CABIN1: variants seen among roughly 807,000 people sequenced by gnomAD.
CABIN1 encodes calcineurin-binding protein cabin-1.
In CABIN1, 133 loss-of-function variants were observed where a neutral mutation model predicts 227.7. That is an observed-to-expected ratio of 0.58 (90% CI 0.51 to 0.67). CABIN1 has a LOEUF of 0.67. Among genes scored for constraint, CABIN1 ranks in the 30% least tolerant of loss-of-function variants. The probability of loss-of-function intolerance (pLI) is 0.00; values close to 1 mark genes in which losing one functional copy is unlikely to be tolerated. For missense variants in CABIN1, 2,408 were observed against 2,852.5 expected (o/e 0.84, Z 3.55); for synonymous variants, 1,086 against 1,155.1 (o/e 0.94, Z 1.21).
In CABIN1 at chr22:24,165,525, C is replaced by G. The variant is rs757756889; in HGVS notation, c.4911-5C>G. On this transcript the variant is annotated splice_region_variant and splice_polypyrimidine_tract_variant and intron_variant, in intron 30 of 36. Coordinates refer to ENST00000263119, the MANE Select transcript of CABIN1 (RefSeq NM_012295.4). Reference sequence around the variant, plus strand: ...TCCTCTCTGACTACCCCTGTATGACCGCAGGAAGTATCTGCGAGATGCTGA... The same window carrying G: ...TCCTCTCTGACTACCCCTGTATGACGGCAGGAAGTATCTGCGAGATGCTGA... 5 of 1,611,632 alleles carry G rather than the reference C, an allele frequency of 3.1e-6. No individual in the cohort carries two copies. In the South Asian group the frequency reaches 4.4e-5, roughly 14 times the overall value.
intron 8 of CABIN1, among the ~76,000 whole-genome samples, chr22:24,053,697 T>C (rs552410767): frequency 2.0e-5 from 3 of 152,252 alleles, no homozygotes; most frequent in Non-Finnish European, 4.4e-5. Flanking sequence ...TGTTCTTTTA[T>C]TCCTTTCTCA....
At chr22:24,121,114 A>G (rs1359555996) in intron 28 of CABIN1, among the ~76,000 whole-genome samples, 1 of 152,212 alleles carries the variant, frequency 6.6e-6, no homozygotes, top group African/African-American at 2.4e-5. Context: ...TTTAGGGCCT[A>G]GCTGTGAGGA....
rs760859154 is a variant in CABIN1 at position 24,049,130 on chromosome 22, GC to G, written c.568del (p.Arg190GlyfsTer39). 11 of 1,614,084 alleles carry G rather than the reference GC, an allele frequency of 6.8e-6. No homozygotes were observed. The Admixed American group carries it at 1.3e-4, about 20-fold the overall frequency. On this transcript the variant is annotated frameshift_variant, in exon 7 of 37. Coordinates refer to ENST00000263119, the MANE Select transcript of CABIN1 (RefSeq NM_012295.4). LOFTEE classifies it high-confidence loss of function. ...ATCTGCAAAGCTTTGGAGAAGGATTGCCGGTACAGCAAAGGGCTGGTCCTCA... is the reference window on the plus strand; with the variant it reads ...ATCTGCAAAGCTTTGGAGAAGGATTGCGGTACAGCAAAGGGCTGGTCCTCA... ...YFICKALEKD[C>X]RYSKGLVLKE...
In CABIN1 at chr22:24,177,892, G is replaced by A. The variant is rs2047204647; in HGVS notation, c.6519+75G>A. On this transcript the variant is annotated intron_variant, in intron 36 of 36. Coordinates refer to ENST00000263119, the MANE Select transcript of CABIN1 (RefSeq NM_012295.4). The surrounding 1 kb of genome is among the most constrained non-coding windows in gnomAD (Gnocchi z 4.4). ...TACAAAGGGGGCCTAGGATGGGGGT[G>A]GGGGTGGCAGGAGGGCCTGGGGTGT... 6.5e-7 allele frequency: 1 copy of A among 1,527,044 alleles called. No individual in the cohort carries two copies. The highest frequency in any genetic ancestry group is 2.1e-4 in the Middle Eastern group (1 of 4,740). The allele number at this position is 1,527,044 out of a possible 1,614,324, so 94.6% of individuals were successfully genotyped here.
At position 24,095,948 on chromosome 22, in the gene CABIN1, T is replaced by C. The variant is rs770958090; in HGVS notation, c.3804T>C (p.His1268=). The change falls in exon 25 of 37, where the codon CAT becomes CAC. Residue 1268 remains histidine, a synonymous_variant. Coordinates refer to ENST00000263119, the MANE Select transcript of CABIN1 (RefSeq NM_012295.4). ...TCTCCTAGGTGTACTTTCGGCTCCA[T>C]GCTTCCATCCTGAAGCTCCTGGGGA... ...MEALEVYFRL[H]ASILKLLGKP... is the part of the protein sequence containing the mutation. 31 of 1,613,994 alleles carry C rather than the reference T, an allele frequency of 1.9e-5. No homozygotes were observed. Among genetic ancestry groups the C allele is most frequent in the Non-Finnish European group, 2.4e-5 (28 of 1,180,006 alleles).
intron 30 of CABIN1, 132 bp downstream of exon 30, chr22:24,164,695 T>A: frequency 9.3e-7 from 1 of 1,074,188 alleles, no homozygotes; most frequent in Non-Finnish European, 1.4e-6. Flanking sequence ...AGCTCTTCAT[T>A]CTCCTTGGGG....
At chr22:24,019,862 G>A (rs1255790753) in intron 1 of CABIN1, among the ~76,000 whole-genome samples, 4 of 151,502 alleles carry the variant, frequency 2.6e-5, no homozygotes, top group East Asian at 2.0e-4. Flanking sequence ...TCTCCATGTT[G>A]GTCAGGCTGG....
chr22:24,033,989 A>G (rs542111716), intron 1 of CABIN1, among the ~76,000 whole-genome samples: 3 of 152,092 alleles, frequency 2.0e-5, no homozygotes, highest in African/African-American at 2.4e-5. Flanking sequence ...TTGGAAGACA[A>G]TTTTTCCACG....
At position 24,128,575 on chromosome 22, in the gene CABIN1, C is replaced by T. The variant is rs1247368400; in HGVS notation, c.4633-5727C>T. Among the ~76,000 whole-genome samples the T allele has an allele frequency of 2.0e-5, 3 of 152,288 alleles. No individual in the cohort carries two copies. In the East Asian group the frequency reaches 5.8e-4, roughly 29 times the overall value. On this transcript the variant is annotated intron_variant, in intron 28 of 36. Transcript: ENST00000263119. The stretch of plus-strand genomic sequence containing the variant: ...TCTTCCTCTGGCCTATAGAACACTA[C>T]TCCAAGGGCTCCCAGCCAATTCCCC...
intron 26 of CABIN1, among the ~76,000 whole-genome samples, chr22:24,104,167 T>C (rs2147557879): frequency 6.6e-6 from 1 of 152,252 alleles, no homozygotes; most frequent in African/African-American, 2.4e-5. Flanking sequence ...TCTCTCTCTC[T>C]CTGGGCTCTA....
At position 24,166,931 on chromosome 22, in the gene CABIN1, C is replaced by G; in HGVS notation, c.5300C>G (p.Thr1767Ser). ...PTEPMDTSEA[T>S]VCHSDLERTP... ...GAGCCCATGGACACGAGTGAGGCCACTGTTTGCCACTCAGACTTGGAGCGG... is the reference window on the plus strand; with the variant it reads ...GAGCCCATGGACACGAGTGAGGCCAGTGTTTGCCACTCAGACTTGGAGCGG... The change falls in exon 32 of 37, where the codon ACT (threonine) becomes AGT (serine). Residue 1767 changes from threonine to serine, a missense_variant. Thr to Ser is a moderately conservative substitution (Grantham distance 58). Around this residue, in one of 3 missense-constraint regions of CABIN1, gnomAD observed 714 missense variants for 773.8 expected, o/e 0.92. Coordinates refer to ENST00000263119, the MANE Select transcript of CABIN1 (RefSeq NM_012295.4). The G allele has an allele frequency of 5.0e-6, 8 of 1,603,356 alleles. No individual in the cohort carries two copies. The highest frequency in any genetic ancestry group is 6.0e-6 in the Non-Finnish European group (7 of 1,175,542).
chr22:24,076,983 C>T (rs1016219542), intron 19 of CABIN1, among the ~76,000 whole-genome samples: 2 of 152,168 alleles, frequency 1.3e-5, no homozygotes, highest in Non-Finnish European at 2.9e-5. Flanking sequence ...TAACCATGCC[C>T]ATTCATTTAC....
At chr22:24,062,126 ATC>A in intron 13 of CABIN1, 101 bp downstream of exon 13, 2 of 957,066 alleles carry the variant, frequency 2.1e-6, no homozygotes, top group Non-Finnish European at 3.3e-6. Flanking sequence ...TTAGCCTTAT[ATC>A]TACAGTAGGC....
intron 28 of CABIN1, among the ~76,000 whole-genome samples, chr22:24,130,637 A>G (rs2044016531): frequency 6.6e-6 from 1 of 151,986 alleles, no homozygotes; most frequent in Non-Finnish European, 1.5e-5. Context: ...AGGGCCCAAT[A>G]CAGTCTCTGC....
intron 18 of CABIN1, among the ~76,000 whole-genome samples, chr22:24,075,684 G>C (rs1482783658): frequency 6.6e-6 from 1 of 151,816 alleles, no homozygotes; most frequent in African/African-American, 2.4e-5. Context: ...ATTGGAGGCT[G>C]CAGTGAGCTA....
Position 24,134,388 on chromosome 22 carries a change from C to A in CABIN1, c.4719C>A (p.Cys1573Ter), listed in dbSNP as rs115976311. The change falls in exon 29 of 37, where the codon TGC (cysteine) becomes TGA (stop). Residue 1573 changes from cysteine to a stop codon, truncating the protein, a stop_gained. Coordinates refer to ENST00000263119, the MANE Select transcript of CABIN1 (RefSeq NM_012295.4). LOFTEE classifies it high-confidence loss of function. Reference sequence around the variant, plus strand: ...ACATGCCGGCACAGGGGCTCTTCTGCGAGAGGAACAAGACCAATTTCTTCA... The same window carrying A: ...ACATGCCGGCACAGGGGCTCTTCTGAGAGAGGAACAAGACCAATTTCTTCA... ...LQHMPAQGLFCERNKTNFFNG... is the reference protein window; with the variant it reads ...LQHMPAQGLF 6.2e-7 allele frequency: 1 copy of A among 1,613,992 alleles called. No homozygotes were observed. Among genetic ancestry groups the A allele is most frequent in the African/African-American group, 1.3e-5 (1 of 75,046 alleles).
In CABIN1 at chr22:24,035,659, C is replaced by T. The variant is rs1413119772; in HGVS notation, c.3+139C>T. The T allele has an allele frequency of 3.0e-5, 32 of 1,077,896 alleles. No homozygotes were observed. The South Asian group carries it at 3.6e-4, about 12-fold the overall frequency. The allele number at this position is 1,077,896 out of a possible 1,614,324, so 66.8% of individuals were successfully genotyped here. ...CTTCCTCCCAGGAAGGCTGTTGGCA[C>T]CTTTGAGGGTGTGAGATTGCTTGCC... On this transcript the variant is annotated intron_variant, in intron 2 of 36. Transcript: ENST00000263119.
Position 24,168,539 on chromosome 22 carries a change from T to A in CABIN1, c.5757+18T>A, listed in dbSNP as rs1294435500. 1 of 1,545,010 alleles carries A rather than the reference T, an allele frequency of 6.5e-7. No individual in the cohort carries two copies. Among genetic ancestry groups the A allele is most frequent in the Non-Finnish European group, 8.8e-7 (1 of 1,141,056 alleles). On this transcript the variant is annotated intron_variant, in intron 33 of 36. Transcript: ENST00000263119. ...AGAGACAGGTAAGCCCAATTTAGCC[T>A]GTGCCAGCCTCATCTTGCGGAGCCT...
intron 23 of CABIN1, among the ~76,000 whole-genome samples, chr22:24,088,917 A>T (rs2041356479): frequency 6.6e-6 from 1 of 152,282 alleles, no homozygotes; most frequent in South Asian, 2.1e-4. Context: ...TAACTGCTGT[A>T]ACCCTATTTT....
Sources: allele counts gnomAD v4.1 joint callset (sites outside exome capture counted in the v4.1 genomes callset), GRCh38; gene constraint gnomAD v4.1.1; regional missense constraint gnomAD v4.1.1; non-coding constraint Gnocchi (gnomAD v3.1); transcripts MANE v1.5; gene names NCBI Gene and HGNC (gene_info 2026-07-23, HGNC 2026-07-21).